Variants in ZNF469 observed in about 807,000 individuals in gnomAD.
The protein encoded by ZNF469 is zinc finger protein 469.
Under a neutral mutation model 1.0 loss-of-function variants are expected in ZNF469, and 1 was observed. The ratio of observed to expected loss-of-function variants is 1.00; its 90% CI spans 0.35 to 4.73. The LOEUF (loss-of-function observed/expected upper bound fraction) is 4.73, where lower values mean the gene tolerates loss of function less well. ZNF469 is among the 30% of genes most tolerant of loss of function. The pLI is 0.16. For synonymous variants in ZNF469, 2,703 were observed against 2,363.4 expected, an observed-to-expected ratio of 1.14 and a Z score of -4.17; for missense variants, 6,100 against 5,356.3, an observed-to-expected ratio of 1.14 and a Z score of -4.33.
At chr16:88,363,658 G>T in the ZNF469 span, among the ~76,000 whole-genome samples, 1 of 152,212 alleles carries the variant, frequency 6.6e-6, no homozygotes, top group Non-Finnish European at 1.5e-5. Context: ...CACCCAGCAA[G>T]ACCACAGGTT....
chr16:88,203,748 G>C, the ZNF469 span, among the ~76,000 whole-genome samples: 1 of 151,948 alleles, frequency 6.6e-6, no homozygotes, highest in Admixed American at 6.6e-5. Flanking sequence ...GTGTGTGTGT[G>C]TATCTCTGTG....
the ZNF469 span, among the ~76,000 whole-genome samples, chr16:88,101,351 C>T: frequency 1.3e-5 from 2 of 152,124 alleles, no homozygotes; most frequent in Admixed American, 6.5e-5. Flanking sequence ...GGGAAGAGTC[C>T]GCCTGCATCT....
chr16:88,216,217 C>T, the ZNF469 span, among the ~76,000 whole-genome samples: 6 of 152,204 alleles, frequency 3.9e-5, no homozygotes, highest in Admixed American at 2.0e-4. Context: ...TATTTCAGGT[C>T]GGGTGCAGTG....
At chr16:88,123,749 A>C in the ZNF469 span, among the ~76,000 whole-genome samples, 1 of 152,136 alleles carries the variant, frequency 6.6e-6, no homozygotes, top group African/African-American at 2.4e-5. Flanking sequence ...TGATTTTGAG[A>C]ATCTTTTCCT....
chr16:88,276,823 C>T, the ZNF469 span, among the ~76,000 whole-genome samples: 5 of 152,038 alleles, frequency 3.3e-5, no homozygotes, highest in South Asian at 8.3e-4. Flanking sequence ...TGCGCCACGC[C>T]GACACTTGGT....
chr16:88,184,579 C>T, the ZNF469 span, among the ~76,000 whole-genome samples: 10 of 151,924 alleles, frequency 6.6e-5, no homozygotes, highest in South Asian at 2.1e-4. Context: ...TGGACGCCCG[C>T]GCCACCTTCC....
the ZNF469 span, among the ~76,000 whole-genome samples, chr16:88,271,509 G>C: frequency 7.1e-6 from 1 of 140,882 alleles, no homozygotes; most frequent in African/African-American, 2.5e-5. Flanking sequence ...TCAGTAGGAC[G>C]GCATGTGTGG....
intron 1 of ZNF469, among the ~76,000 whole-genome samples, chr16:88,387,116 C>T (rs752370634): frequency 2.6e-5 from 4 of 152,190 alleles, no homozygotes; most frequent in Admixed American, 6.5e-5. Context: ...CCCAGGGGAG[C>T]GCCTTGTGCT....
chr16:88,146,476 G>C, the ZNF469 span, among the ~76,000 whole-genome samples: 1 of 152,254 alleles, frequency 6.6e-6, no homozygotes, highest in Non-Finnish European at 1.5e-5. Flanking sequence ...GTGCAGCACA[G>C]AGCTAAGGTG....
chr16:88,399,194 G>A lies in ZNF469; in HGVS notation c.-192+15940G>A, dbSNP rs539250814. On this transcript the variant is annotated intron_variant, in intron 1 of 2. Coordinates refer to ENST00000565624, the MANE Select transcript of ZNF469 (RefSeq NM_001367624.2). ...CCCAAGAGGCTCTGTGTGTTTGCCT[G>A]GCAGTCATCTGAGGCTGGGCCTGGG... Among the ~76,000 whole-genome samples the A allele has an allele frequency of 1.6e-3, 249 of 152,342 alleles. 1 individual carries two copies. Among genetic ancestry groups the A allele is most frequent in the African/African-American group, 4.0e-3 (166 of 41,572 alleles).
chr16:88,243,742 G>C, the ZNF469 span, among the ~76,000 whole-genome samples: 1 of 148,932 alleles, frequency 6.7e-6, no homozygotes, highest in Non-Finnish European at 1.5e-5. Context: ...TAGATGGGTG[G>C]ATGGAAGGGT....
chr16:88,240,615 G>A, the ZNF469 span, among the ~76,000 whole-genome samples: 3 of 152,088 alleles, frequency 2.0e-5, no homozygotes, highest in African/African-American at 2.4e-5. Flanking sequence ...GCTGGGATAG[G>A]CCACTGTGTA....
the ZNF469 span, among the ~76,000 whole-genome samples, chr16:88,346,552 G>A: frequency 4.6e-5 from 7 of 152,258 alleles, no homozygotes; most frequent in South Asian, 2.1e-4. Flanking sequence ...AGGGTCTCGC[G>A]CTGTTGCCCA....
chr16:88,121,146 C>T, the ZNF469 span, among the ~76,000 whole-genome samples: 2 of 123,716 alleles, frequency 1.6e-5, no homozygotes, highest in Non-Finnish European at 3.4e-5. Context: ...GCATGAGGCA[C>T]CCGCTATGTA....
At chr16:88,219,240 C>T in the ZNF469 span, among the ~76,000 whole-genome samples, 7 of 150,726 alleles carry the variant, frequency 4.6e-5, no homozygotes, top group African/African-American at 1.7e-4. Flanking sequence ...GCTACCAATG[C>T]CTTTCCTCAC....
chr16:88,315,114 C>T, the ZNF469 span, among the ~76,000 whole-genome samples: 1 of 152,244 alleles, frequency 6.6e-6, no homozygotes, highest in Non-Finnish European at 1.5e-5. Flanking sequence ...TGATTTTCCT[C>T]TCTGACCCTA....
chr16:88,425,070 G>A (rs576626848), intron 2 of ZNF469, among the ~76,000 whole-genome samples, 199 bp downstream of exon 2: 15 of 152,248 alleles, frequency 9.9e-5, no homozygotes, highest in South Asian at 4.2e-4. Flanking sequence ...GCCAGCAGGC[G>A]GGCGTGTCAC....
At position 88,433,178 on chromosome 16, in the gene ZNF469, G is replaced by A. The variant is rs565007481; in HGVS notation, c.5708G>A (p.Arg1903His). Residue 1903 changes from arginine to histidine, a missense_variant, in exon 3 of 3, where the codon CGT becomes CAT. Arg to His is a conservative substitution (Grantham distance 29). Transcript: ENST00000565624. ...GACCCAGCTTTGAGCCCCCCCATAC[G>A]TCAGCTCCAGCTCCCAGGGCCTGGA... Reference protein sequence around the residue: ...SQDPALSPPIRQLQLPGPGVA... With the variant: ...SQDPALSPPIHQLQLPGPGVA... 180 of 1,550,288 alleles carry A rather than the reference G, an allele frequency of 1.2e-4. 3 individuals carry two copies. The South Asian group carries it at 1.8e-3, about 15-fold the overall frequency.
At chr16:88,182,349 C>CTT in the ZNF469 span, among the ~76,000 whole-genome samples, 2 of 151,606 alleles carry the variant, frequency 1.3e-5, no homozygotes, top group South Asian at 2.1e-4. Context: ...TCTCATCAGA[C>CTT]TTTTTTTTTC....
Sources: gnomAD v4.1 joint callset for allele counts (sites outside exome capture counted in the v4.1 genomes callset) on GRCh38, gnomAD v4.1.1 for gene constraint, MANE v1.5 for transcripts, NCBI Gene and HGNC (gene_info 2026-07-23, HGNC 2026-07-21) for gene names.